The following PPP2R3A variants were observed in gnomAD, a reference collection of about 807,000 sequenced individuals.
The protein encoded by PPP2R3A is serine/threonine-protein phosphatase 2A regulatory subunit B'' subunit alpha.
In PPP2R3A, 80 loss-of-function variants were observed where a neutral mutation model predicts 106.9. The observed-to-expected ratio is 0.75, with a 90% CI of 0.62 to 0.90. PPP2R3A has a LOEUF of 0.90. PPP2R3A is among the 40% of genes least tolerant of loss of function. The probability of loss-of-function intolerance (pLI) is 0.00; values close to 1 mark genes in which losing one functional copy is unlikely to be tolerated. For missense variants in PPP2R3A, 1,386 were observed against 1,350.4 expected, an observed-to-expected ratio of 1.03 and a Z score of -0.41; for synonymous variants, 483 against 468.3, an observed-to-expected ratio of 1.03 and a Z score of -0.41.
intron 5 of PPP2R3A, among the ~76,000 whole-genome samples, chr3:136,065,658 A>C (rs1369147495): frequency 5.3e-5 from 8 of 152,208 alleles, no homozygotes; most frequent in Admixed American, 5.2e-4. Context: ...GATTAAGAAA[A>C]AAGGGAGAAT....
At chr3:136,095,962 C>T (rs1159523723) in intron 10 of PPP2R3A, among the ~76,000 whole-genome samples, 1 of 152,174 alleles carries the variant, frequency 6.6e-6, no homozygotes, top group African/African-American at 2.4e-5. Flanking sequence ...ATACACCTAA[C>T]CTACTGAACA....
At chr3:135,985,346 T>C (rs1937594697) in intron 1 of PPP2R3A, among the ~76,000 whole-genome samples, 1 of 147,040 alleles carries the variant, frequency 6.8e-6, no homozygotes, top group South Asian at 2.2e-4. Context: ...TCTCTCTCTC[T>C]CTCCCCGCCC....
chr3:136,137,534 ATTTTTTTTTTTTTT>A (rs59086929), intron 13 of PPP2R3A, among the ~76,000 whole-genome samples: 1 of 40,528 alleles, frequency 2.5e-5, no homozygotes, highest in Non-Finnish European at 4.7e-5. Context: ...TCTGTCAGAG[ATTTTTTTTTTTTTT>A]TTTTTTTTTT....
intron 5 of PPP2R3A, among the ~76,000 whole-genome samples, chr3:136,064,319 A>G (rs1026359042): frequency 6.6e-6 from 1 of 151,114 alleles, no homozygotes; most frequent in Non-Finnish European, 1.5e-5. Flanking sequence ...CTAATGCTAA[A>G]TGACGAGTTA....
intron 10 of PPP2R3A, among the ~76,000 whole-genome samples, chr3:136,099,929 AAAAAG>A (rs974815006): frequency 6.6e-6 from 1 of 151,900 alleles, no homozygotes; most frequent in Non-Finnish European, 1.5e-5. Context: ...AAAAAAAAAA[AAAAAG>A]AGAAGGAGGG....
At chr3:135,977,774 A>G (rs148838269) in intron 1 of PPP2R3A, among the ~76,000 whole-genome samples, 4,213 of 132,872 alleles carry the variant, frequency 0.032, 95 homozygotes, top group Non-Finnish European at 0.044. Flanking sequence ...ATCTCAGCTC[A>G]CTGCGACCTC....
intron 5 of PPP2R3A, among the ~76,000 whole-genome samples, chr3:136,051,098 A>T (rs1228765252): frequency 6.6e-6 from 1 of 152,142 alleles, no homozygotes; most frequent in Non-Finnish European, 1.5e-5. Flanking sequence ...ATAGCCTGAG[A>T]TATTGCTTGT....
In PPP2R3A at chr3:136,041,250, G is replaced by GTTTTTTTTTTT. The variant is rs1246326384; in HGVS notation, c.2366+289_2366+299dup. On this transcript the variant is annotated intron_variant, in intron 4 of 13. Transcript: ENST00000264977. ...CTTGGTTTTTCTTGTTTTTTTTTTTGTTTTTTTTTTTGTTTTTTTTTTTTT... is the reference window on the plus strand; with the variant it reads ...CTTGGTTTTTCTTGTTTTTTTTTTTGTTTTTTTTTTTTTTTTTTTTTTGTTTTTTTTTTTTT... Among the ~76,000 whole-genome samples the GTTTTTTTTTTT allele has an allele frequency of 8.7e-4, 49 of 56,560 alleles. 8 individuals are homozygous for GTTTTTTTTTTT. Among genetic ancestry groups the GTTTTTTTTTTT allele is most frequent in the African/African-American group, 1.5e-3 (25 of 16,874 alleles). The allele number at this position is 56,560 out of a possible 152,430, so 37.1% of individuals were successfully genotyped here.
chr3:135,995,958 G>A (rs566503534), intron 1 of PPP2R3A, among the ~76,000 whole-genome samples: 22 of 152,210 alleles, frequency 1.4e-4, no homozygotes, highest in Non-Finnish European at 2.2e-4. Context: ...TGGTGATGAC[G>A]CATTTCTTAA....
chr3:136,070,242 C>G (rs534332662), intron 5 of PPP2R3A, among the ~76,000 whole-genome samples: 13 of 152,248 alleles, frequency 8.5e-5, no homozygotes, highest in Non-Finnish European at 1.5e-4. Context: ...TCACAAATTA[C>G]CTAACGTAGC....
At chr3:136,069,654 T>C (rs548566393) in intron 5 of PPP2R3A, among the ~76,000 whole-genome samples, 1 of 152,300 alleles carries the variant, frequency 6.6e-6, no homozygotes, top group East Asian at 1.9e-4. Flanking sequence ...GGTTTGAGAC[T>C]ATGTATTGGT....
intron 2 of PPP2R3A, among the ~76,000 whole-genome samples, chr3:136,006,271 T>A (rs1011344742): frequency 6.6e-6 from 1 of 152,226 alleles, no homozygotes; most frequent in African/African-American, 2.4e-5. Flanking sequence ...AAGTACTTAA[T>A]GAAAAGCTAA....
intron 13 of PPP2R3A, among the ~76,000 whole-genome samples, chr3:136,140,654 A>G (rs1320911252): frequency 6.6e-6 from 1 of 151,714 alleles, no homozygotes; most frequent in Non-Finnish European, 1.5e-5. Flanking sequence ...AGGCTGAGGC[A>G]GGAGAATCGC....
chr3:136,056,796 A>G (rs191876955), intron 5 of PPP2R3A, among the ~76,000 whole-genome samples: 8 of 152,196 alleles, frequency 5.3e-5, no homozygotes, highest in African/African-American at 1.7e-4. Flanking sequence ...GAAAATCTAC[A>G]GAATGGTAGA....
rs1389222065 is a variant in PPP2R3A at position 136,147,616 on chromosome 3, C to A, written c.*2450C>A. 6.6e-6 allele frequency: 1 copy of A among 152,452 alleles called. No individual in the cohort carries two copies. The highest frequency in any genetic ancestry group is 1.5e-5 in the Non-Finnish European group (1 of 68,012). 9.4% of individuals were successfully genotyped at this position (152,452 alleles called of 1,614,324 possible). On this transcript the variant is annotated 3_prime_UTR_variant, in exon 14 of 14. Coordinates refer to ENST00000264977, the MANE Select transcript of PPP2R3A (RefSeq NM_002718.5). ...GGAATTTTCAAGTTATTATAATATC[C>A]CAGGCCCCTTGATAAAAGCTGAGGG...
chr3:136,107,592 A>G (rs180947908), intron 13 of PPP2R3A, among the ~76,000 whole-genome samples: 2 of 152,238 alleles, frequency 1.3e-5, no homozygotes, highest in Admixed American at 1.3e-4. Context: ...AGTCCTCAAT[A>G]TAGATTGTAC....
chr3:136,143,641 T>G (rs1350491467), intron 13 of PPP2R3A, among the ~76,000 whole-genome samples: 1 of 151,242 alleles, frequency 6.6e-6, no homozygotes, highest in Non-Finnish European at 1.5e-5. Flanking sequence ...AATACAAAAA[T>G]TACCCGGGCA....
chr3:136,012,530 G>T (rs760302857), intron 2 of PPP2R3A, among the ~76,000 whole-genome samples: 2 of 152,064 alleles, frequency 1.3e-5, no homozygotes, highest in Admixed American at 6.5e-5. Flanking sequence ...AGAGAATTAG[G>T]CTGGGAACAA....
In PPP2R3A at chr3:136,034,806, C is replaced by G. The variant is rs988746834; in HGVS notation, c.2263-6053C>G. On this transcript the variant is annotated intron_variant, in intron 3 of 13. Coordinates refer to ENST00000264977, the MANE Select transcript of PPP2R3A (RefSeq NM_002718.5). The stretch of plus-strand genomic sequence containing the variant: ...ACTTTCTGTCTTGACCTGTTTAGTG[C>G]TGTCAGTGGAGTACTGAAGTCCCCC... Among the ~76,000 whole-genome samples, 4 of 152,250 alleles carry G rather than the reference C, an allele frequency of 2.6e-5. No homozygotes were observed. In the South Asian group the frequency reaches 8.3e-4, roughly 32 times the overall value.
Sources: gnomAD v4.1 joint callset for allele counts (sites outside exome capture counted in the v4.1 genomes callset) on GRCh38, gnomAD v4.1.1 for gene constraint, MANE v1.5 for transcripts, NCBI Gene and HGNC (gene_info 2026-07-23, HGNC 2026-07-21) for gene names.